The following HOMER1 variants were observed in gnomAD, a reference collection of about 807,000 sequenced individuals.
The protein encoded by HOMER1 is homer scaffold protein 1, also known as homer protein homolog 1.
A neutral mutation model predicts 48.9 loss-of-function variants in HOMER1; 3 were observed. The ratio of observed to expected loss-of-function variants is 0.06; its 90% CI spans 0.03 to 0.16. HOMER1 has a LOEUF of 0.16. HOMER1 is among the 10% of genes least tolerant of loss of function. HOMER1 has a pLI of 1.00. For missense variants in HOMER1, 247 were observed against 411.4 expected, an observed-to-expected ratio of 0.60 and a Z score of 3.46; for synonymous variants, 134 against 146.4, an observed-to-expected ratio of 0.92 and a Z score of 0.61.
At chr5:79,471,262 G>A (rs1357036589) in intron 1 of HOMER1, among the ~76,000 whole-genome samples, 2 of 152,122 alleles carry the variant, frequency 1.3e-5, no homozygotes, top group Non-Finnish European at 2.9e-5. Flanking sequence ...GCCTAAAGGA[G>A]GCCAGGAGCG....
intron 1 of HOMER1, among the ~76,000 whole-genome samples, chr5:79,480,057 T>A (rs1390874901): frequency 2.6e-5 from 4 of 152,258 alleles, no homozygotes; most frequent in Admixed American, 1.3e-4. Flanking sequence ...AGTAAGTCTA[T>A]TTTTCTCATT....
intron 5 of HOMER1, among the ~76,000 whole-genome samples, chr5:79,404,961 G>A (rs1749627184): frequency 1.3e-5 from 2 of 151,578 alleles, no homozygotes; most frequent in Admixed American, 6.6e-5. Flanking sequence ...CACCCGCCTC[G>A]GCCTTCCAAA....
chr5:79,498,091 T>C (rs1752477008), intron 1 of HOMER1, among the ~76,000 whole-genome samples: 1 of 152,182 alleles, frequency 6.6e-6, no homozygotes, highest in Non-Finnish European at 1.5e-5. Context: ...TGGTCTTCCT[T>C]CTTCAGTCAA....
chr5:79,503,434 A>C (rs1752659729), intron 1 of HOMER1, among the ~76,000 whole-genome samples: 1 of 151,192 alleles, frequency 6.6e-6, no homozygotes, highest in Non-Finnish European at 1.5e-5. Flanking sequence ...GGAGGCTGAG[A>C]CAAGAGAATC....
At chr5:79,446,804 ATTTTTTT>A (rs35036295) in intron 4 of HOMER1, among the ~76,000 whole-genome samples, 32 of 101,732 alleles carry the variant, frequency 3.1e-4, no homozygotes, top group African/African-American at 5.2e-4. Context: ...CACTTGGCTA[ATTTTTTT>A]TTTTTTTTTT....
At chr5:79,416,684 C>G (rs766302166) in intron 5 of HOMER1, among the ~76,000 whole-genome samples, 1 of 152,182 alleles carries the variant, frequency 6.6e-6, no homozygotes, top group African/African-American at 2.4e-5. Context: ...GCCACATGCC[C>G]TAATGTAGCT....
intron 1 of HOMER1, among the ~76,000 whole-genome samples, chr5:79,503,010 T>C (rs1277893105): frequency 6.6e-6 from 1 of 151,872 alleles, no homozygotes; most frequent in Non-Finnish European, 1.5e-5. Flanking sequence ...CAGGACGGTC[T>C]TGATCTGACC....
chr5:79,453,179 G>A (rs902791905), intron 2 of HOMER1, among the ~76,000 whole-genome samples: 2 of 152,024 alleles, frequency 1.3e-5, no homozygotes, highest in African/African-American at 2.4e-5. Context: ...GGATGTGACA[G>A]AGTGAAACGC....
chr5:79,409,705 G>A (rs902769188), intron 5 of HOMER1, among the ~76,000 whole-genome samples: 1 of 152,108 alleles, frequency 6.6e-6, no homozygotes, highest in African/African-American at 2.4e-5. Context: ...TTAAAAATGA[G>A]CAAAGAACTT....
intron 3 of HOMER1, among the ~76,000 whole-genome samples, chr5:79,448,398 T>A (rs778515645): frequency 4.2e-4 from 64 of 152,198 alleles, no homozygotes; most frequent in Non-Finnish European, 8.1e-4. Flanking sequence ...TCTACACTAT[T>A]GCTAATTTGT....
chr5:79,483,967 A>G (rs1268768089), intron 1 of HOMER1, among the ~76,000 whole-genome samples: 1 of 147,962 alleles, frequency 6.8e-6, no homozygotes, highest in Middle Eastern at 3.2e-3. Flanking sequence ...AGTTGCTTGA[A>G]CCTGGGAGGC....
At chr5:79,497,480 T>A (rs1451850523) in intron 1 of HOMER1, among the ~76,000 whole-genome samples, 1 of 151,562 alleles carries the variant, frequency 6.6e-6, no homozygotes. Context: ...CAAAACCCCG[T>A]CTCTACTAAA....
Position 79,451,086 on chromosome 5 carries a change from T to C in HOMER1, c.198A>G (p.Thr66=), listed in dbSNP as rs760389284. 2 of 1,613,846 alleles carry C rather than the reference T, an allele frequency of 1.2e-6. No individual in the cohort carries two copies. Among genetic ancestry groups the C allele is most frequent in the Middle Eastern group, 1.7e-4 (1 of 6,060 alleles). The change falls in exon 3 of 9, where the codon ACA becomes ACG. Residue 66 remains threonine (T), a synonymous_variant. Transcript: ENST00000334082. ...CAAACTTCTGAGATGTTTTAGTAAA[T>C]GTCATGTTTGGGGTGATGGTACTAT... The part of the protein sequence containing the change: ...IINSTITPNM[T]FTKTSQKFGQ...
chr5:79,426,245 T>C (rs989880060), intron 5 of HOMER1, among the ~76,000 whole-genome samples: 1 of 152,032 alleles, frequency 6.6e-6, no homozygotes. Flanking sequence ...AGAACTACCA[T>C]ATGATCCAGC....
At chr5:79,402,730 G>A (rs1291111156) in intron 5 of HOMER1, among the ~76,000 whole-genome samples, 8 of 151,900 alleles carry the variant, frequency 5.3e-5, no homozygotes, top group South Asian at 2.1e-4. Flanking sequence ...CATTTTTTAC[G>A]TGTGTCAAAC....
Position 79,375,925 on chromosome 5 carries a change from T to C in HOMER1, c.*84A>G. ...TTCAATTTTTTTTTTTTTTTTTTTG[T>C]GCAATCTTGATGCAGAGCCTAAACA... On this transcript the variant is annotated 3_prime_UTR_variant, in exon 9 of 9. Coordinates refer to ENST00000334082, the MANE Select transcript of HOMER1 (RefSeq NM_004272.5). 1.7e-6 allele frequency: 1 copy of C among 592,690 alleles called. No individual in the cohort carries two copies. The highest frequency in any genetic ancestry group is 4.1e-5 in the Admixed American group (1 of 24,534). The allele number at this position is 592,690 out of a possible 1,614,324, so 36.7% of individuals were successfully genotyped here.
intron 5 of HOMER1, among the ~76,000 whole-genome samples, chr5:79,410,501 AAAAAAAG>A (rs1453373089): frequency 2.0e-5 from 3 of 150,010 alleles, no homozygotes; most frequent in Middle Eastern, 3.4e-3. Context: ...AAAAAAAAAA[AAAAAAAG>A]AAAAAAGAAA....
chr5:79,403,423 G>A (rs1253045876), intron 5 of HOMER1, among the ~76,000 whole-genome samples: 5 of 152,018 alleles, frequency 3.3e-5, no homozygotes, highest in Non-Finnish European at 5.9e-5. Flanking sequence ...TTAGCATCAC[G>A]AACCCCCTGA....
Position 79,429,249 on chromosome 5 carries a change from G to A in HOMER1, c.527+9761C>T, listed in dbSNP as rs74612283. ...CGCATGCCTATAATCCCAGCTACTC[G>A]GGAGGCTGAGACATGAGAATCACTT... On this transcript the variant is annotated intron_variant, in intron 5 of 8. Transcript: ENST00000334082. Among the ~76,000 whole-genome samples the A allele has an allele frequency of 1.2e-3, 180 of 152,136 alleles. 6 individuals carry two copies. The East Asian group carries it at 0.032, about 27-fold the overall frequency.
Sources: allele counts gnomAD v4.1 joint callset (sites outside exome capture counted in the v4.1 genomes callset), GRCh38; gene constraint gnomAD v4.1.1; transcripts MANE v1.5; gene names NCBI Gene and HGNC (gene_info 2026-07-23, HGNC 2026-07-21).